The following IL4I1 variants were observed in gnomAD, a reference collection of about 807,000 sequenced individuals.
IL4I1 encodes the protein L-amino-acid oxidase.
Under a neutral mutation model 29.7 loss-of-function variants are expected in IL4I1, and 24 were observed. The observed-to-expected ratio is 0.81, with a 90% CI of 0.59 to 1.14. IL4I1 has a LOEUF of 1.14. IL4I1 is among the 50% of genes most tolerant of loss of function. The pLI is 0.00. For synonymous variants in IL4I1, 371 were observed against 352.5 expected (o/e 1.05, Z -0.59); for missense variants, 686 against 785.6 (o/e 0.87, Z 1.52).
At chr19:49,895,471 G>A (rs1437015892) in intron 3 of IL4I1, among the ~76,000 whole-genome samples, 1 of 152,184 alleles carries the variant, frequency 6.6e-6, no homozygotes, top group African/African-American at 2.4e-5. Context: ...CTCATTCTCG[G>A]ATTGCAGTGA....
At chr19:49,890,929 GCCCCCCGCCCCCC>G in intron 7 of IL4I1, 29 bp downstream of exon 7, 2 of 454,452 alleles carry the variant, frequency 4.4e-6, no homozygotes, top group Non-Finnish European at 7.1e-6. Flanking sequence ...TTCCCTGATT[GCCCCCCGCCCCCC>G]CCCCCTGCCC....
intron 4 of IL4I1, 94 bp from the exon 5 acceptor site, chr19:49,894,563 A>G: frequency 1.7e-6 from 1 of 582,542 alleles, no homozygotes; most frequent in Non-Finnish European, 2.9e-6. Context: ...AGGGGAGAGT[A>G]GCTGGGGACC....
intron 2 of IL4I1, among the ~76,000 whole-genome samples, chr19:49,911,765 A>G (rs553623518): frequency 5.9e-5 from 9 of 152,330 alleles, no homozygotes; most frequent in African/African-American, 2.2e-4. Context: ...CCACTAAGCC[A>G]GTCTCTCCGG....
chr19:49,908,885 G>A (rs778588222), intron 2 of IL4I1: 3 of 1,610,082 alleles, frequency 1.9e-6, no homozygotes, highest in Non-Finnish European at 2.5e-6. Context: ...GGTCACGGCA[G>A]CTGCTGTATT....
chr19:49,899,795 T>C (rs2075255589), upstream of IL4I1, among the ~76,000 whole-genome samples: 1 of 152,162 alleles, frequency 6.6e-6, no homozygotes, highest in Non-Finnish European at 1.5e-5. Flanking sequence ...GACTTTGTGA[T>C]CTGCCCGCCT....
chr19:49,890,965 C>CCCCCCCCCAA lies in IL4I1; in HGVS notation c.773+5_773+6insTTGGGGGGGG. On this transcript the variant is annotated splice_donor_region_variant and intron_variant, in intron 7 of 7. Transcript: ENST00000391826. ...CCCCCCCCTGCCCGCCAGCCCCGCCCCTTACTGGAGTCTGTCGCTGAGGCA... is the reference window on the plus strand; with the variant it reads ...CCCCCCCCTGCCCGCCAGCCCCGCCCCCCCCCCCAACTTACTGGAGTCTGTCGCTGAGGCA... The CCCCCCCCCAA allele has an allele frequency of 6.5e-7, 1 of 1,531,614 alleles. No homozygotes were observed. The highest frequency in any genetic ancestry group is 8.8e-7 in the Non-Finnish European group (1 of 1,137,622). The allele number at this position is 1,531,614 out of a possible 1,614,324, so 94.9% of individuals were successfully genotyped here.
chr19:49,901,058 T>G (rs534325309), upstream of IL4I1, among the ~76,000 whole-genome samples: 1 of 152,284 alleles, frequency 6.6e-6, no homozygotes, highest in South Asian at 2.1e-4. Context: ...TCTCTGAGTC[T>G]GTCCAAAGAC....
intron 3 of IL4I1, chr19:49,904,101 A>G (rs2075294925): frequency 6.6e-6 from 1 of 152,018 alleles, no homozygotes; most frequent in East Asian, 1.9e-4. Context: ...GCCTCCCCAA[A>G]ATGTCGGGAT....
intron 2 of IL4I1, chr19:49,907,825 T>C (rs986097884): frequency 5.1e-5 from 17 of 333,272 alleles, no homozygotes; most frequent in African/African-American, 3.3e-4. Context: ...GGTGAGCCAC[T>C]GCGCCCTGAC....
chr19:49,898,961 A>T (rs913638959), upstream of IL4I1, among the ~76,000 whole-genome samples: 1 of 152,210 alleles, frequency 6.6e-6, no homozygotes, highest in Non-Finnish European at 1.5e-5. Flanking sequence ...AGAGGGTGGG[A>T]CAGGAGGACC....
At chr19:49,904,683 C>T (rs1016531557) in intron 2 of IL4I1, among the ~76,000 whole-genome samples, 4 of 151,896 alleles carry the variant, frequency 2.6e-5, no homozygotes, top group African/African-American at 4.8e-5. Context: ...GTTACAGGCA[C>T]CCACCACCAC....
At chr19:49,914,114 C>T (rs184228461) in intron 2 of IL4I1, among the ~76,000 whole-genome samples, 12 of 152,106 alleles carry the variant, frequency 7.9e-5, no homozygotes, top group African/African-American at 2.9e-4. Flanking sequence ...TTTCGGAGGC[C>T]AAGGCAGGAG....
chr19:49,918,895 T>TGGGGGGGGGGGGGGGG (rs56129490), intron 2 of IL4I1, among the ~76,000 whole-genome samples: 16 of 72,332 alleles, frequency 2.2e-4, no homozygotes, highest in African/African-American at 8.2e-4. Context: ...TTTGGGAGGC[T>TGGGGGGGGGGGGGGGG]GGGGGGGGGG....
At chr19:49,915,693 T>G (rs2075605752) in intron 2 of IL4I1, among the ~76,000 whole-genome samples, 2 of 152,178 alleles carry the variant, frequency 1.3e-5, no homozygotes, top group South Asian at 4.1e-4. Flanking sequence ...AGAAAGGGGC[T>G]GGGGTCAGGG....
In IL4I1 at chr19:49,895,916, A is replaced by C; in HGVS notation, c.151T>G (p.Trp51Gly). ...DYEQLLKVVT[W>G]GLNRTLKPQR... ...GGCTTCAGGGTCCGATTGAGCCCCC[A>C]GGTCACCACCTTGAGCAGCTGCTCA... Residue 51 changes from tryptophan (W) to glycine (G), a missense_variant, in exon 3 of 8, where the codon TGG becomes GGG. Transcript: ENST00000391826. The C allele has an allele frequency of 6.2e-7, 1 of 1,614,206 alleles. No homozygotes were observed. Among genetic ancestry groups the C allele is most frequent in the South Asian group, 1.1e-5 (1 of 91,086 alleles).
At position 49,896,824 on chromosome 19, in the gene IL4I1, C is replaced by T. The variant is rs944909140; in HGVS notation, c.-23+11G>A. On this transcript the variant is annotated intron_variant, in intron 1 of 7. Transcript: ENST00000391826. ...GTCTCTCTGTCCCCCCACCACTGGC[C>T]GTGTCACTACCTCCAGCTCTTGGTG... 35 of 986,478 alleles carry T rather than the reference C, an allele frequency of 3.5e-5. No homozygotes were observed. Among genetic ancestry groups the T allele is most frequent in the Middle Eastern group, 5.2e-4 (1 of 1,940 alleles). 61.1% of individuals were successfully genotyped at this position (986,478 alleles called of 1,614,324 possible).
chr19:49,906,454 T>C (rs1023185469), intron 2 of IL4I1, among the ~76,000 whole-genome samples: 4 of 152,160 alleles, frequency 2.6e-5, no homozygotes, highest in African/African-American at 9.7e-5. Context: ...TCAAGTGATC[T>C]GCCCATCTTG....
At chr19:49,895,250 C>T in intron 3 of IL4I1, 70 bp from the exon 4 acceptor site, 1 of 1,238,722 alleles carries the variant, frequency 8.1e-7, no homozygotes, top group South Asian at 1.3e-5. Context: ...CCTCTACCAC[C>T]CCGTGCCAGC....
chr19:49,914,738 T>TG (rs2075579419), intron 2 of IL4I1, among the ~76,000 whole-genome samples: 1 of 116,642 alleles, frequency 8.6e-6, no homozygotes, highest in East Asian at 2.4e-4. Flanking sequence ...TTTTTTTTTT[T>TG]TTTTTTTTTT....
Sources: allele counts gnomAD v4.1 joint callset (sites outside exome capture counted in the v4.1 genomes callset), GRCh38; gene constraint gnomAD v4.1.1; transcripts MANE v1.5; gene names NCBI Gene and HGNC (gene_info 2026-07-23, HGNC 2026-07-21).